The following GRIP2 variants were observed in gnomAD, a reference collection of about 807,000 sequenced individuals.
GRIP2 encodes glutamate receptor interacting protein 2, also known as glutamate receptor-interacting protein 2.
GRIP2 carries 58 observed loss-of-function variants against 108.3 expected under a neutral mutation model. The ratio of observed to expected loss-of-function variants is 0.54; its 90% CI spans 0.43 to 0.67. The LOEUF (loss-of-function observed/expected upper bound fraction) is 0.67. Ranked by LOEUF, GRIP2 falls within the 30% of genes least tolerant of loss-of-function variation. The pLI is 0.00. For missense variants in GRIP2, 1,278 were observed against 1,430.6 expected (o/e 0.89, Z 1.72); for synonymous variants, 586 against 598.2 (o/e 0.98, Z 0.30).
chr3:14,509,849 T>C lies in GRIP2; in HGVS notation c.2049A>G (p.Ser683=). The C allele has an allele frequency of 1.3e-6, 2 of 1,537,472 alleles. No individual in the cohort carries two copies. The highest frequency in any genetic ancestry group is 2.0e-5 in the Admixed American group (1 of 49,478). The part of the protein sequence containing the change: ...TEEPFDPIVI[S]GLTKRGLAER... ...CAGCCAGGCCACGCTTGGTGAGGCC[T>C]GAGATGACAATGGGGTCAAAAGGTT... is the stretch of plus-strand genomic sequence containing the variant. Residue 683 remains serine, a synonymous_variant, in exon 17 of 24, where the codon TCA becomes TCG. Transcript: ENST00000621039.
intron 21 of GRIP2, among the ~76,000 whole-genome samples, chr3:14,500,172 G>C (rs180827046): frequency 2.6e-5 from 4 of 152,256 alleles, no homozygotes; most frequent in African/African-American, 7.2e-5. Context: ...GCCAAGGAAA[G>C]AACTAGTGAA....
At position 14,505,077 on chromosome 3, in the gene GRIP2, G is replaced by A. The variant is rs1355562567; in HGVS notation, c.2573+538C>T. Among the ~76,000 whole-genome samples the A allele has an allele frequency of 6.6e-6, 1 of 152,130 alleles. No individual in the cohort carries two copies. Among genetic ancestry groups the A allele is most frequent in the Admixed American group, 6.5e-5 (1 of 15,276 alleles). On this transcript the variant is annotated intron_variant, in intron 20 of 23. Transcript: ENST00000621039. The surrounding 1 kb of genome is among the most constrained non-coding windows in gnomAD (Gnocchi z 4.2). ...AGCTGAGTTTTGAGGGATGAGTAGG[G>A]ATTTGCCAGGAGAGACCAGGGGAAA...
chr3:14,503,301 A>G lies in GRIP2; in HGVS notation c.2679+265T>C, dbSNP rs565935932. Reference sequence around the variant, plus strand: ...ATGCATGCATACACATATGCTCCCAATGTACACATGATGATGTCACACATA... The same window carrying G: ...ATGCATGCATACACATATGCTCCCAGTGTACACATGATGATGTCACACATA... On this transcript the variant is annotated intron_variant, in intron 21 of 23. Coordinates refer to ENST00000621039, the MANE Select transcript of GRIP2 (RefSeq NM_001080423.4). Among the ~76,000 whole-genome samples, 113 of 152,328 alleles carry G rather than the reference A, an allele frequency of 7.4e-4. 1 individual carries two copies. Among genetic ancestry groups the G allele is most frequent in the Non-Finnish European group, 1.0e-3 (68 of 68,010 alleles).
chr3:14,562,423 T>C, the GRIP2 span, among the ~76,000 whole-genome samples: 1 of 152,222 alleles, frequency 6.6e-6, no homozygotes, highest in Non-Finnish European at 1.5e-5. Flanking sequence ...CAGTGATCCA[T>C]GTGTTCCTAT....
the GRIP2 span, among the ~76,000 whole-genome samples, chr3:14,592,799 A>C: frequency 6.6e-6 from 1 of 152,142 alleles, no homozygotes; most frequent in South Asian, 2.1e-4. Flanking sequence ...TTCTGGCCCC[A>C]AAACCCCGTG....
chr3:14,567,256 G>A, the GRIP2 span, among the ~76,000 whole-genome samples: 2 of 150,758 alleles, frequency 1.3e-5, no homozygotes, highest in Non-Finnish European at 3.0e-5. Flanking sequence ...ATCTGTTCCT[G>A]AGCACTGGAA....
rs1694188161 is a variant in GRIP2, at chr3:14,514,372, G to C, written c.1413C>G (p.Leu471=). 1 of 1,574,564 alleles carries C rather than the reference G, an allele frequency of 6.4e-7. No individual in the cohort carries two copies. Among genetic ancestry groups the C allele is most frequent in the Non-Finnish European group, 8.6e-7 (1 of 1,161,612 alleles). ...TCTCGGTGGCGAAGATGCCGCCCTG[G>C]AGCTGGAGGCCAAAGCCGCTGAGGG... ...GDPLSGFGLQ[L]QGGIFATETL... The change falls in exon 12 of 24, where the codon CTC becomes CTG. Residue 471 remains leucine, a synonymous_variant. Transcript: ENST00000621039.
the GRIP2 span, among the ~76,000 whole-genome samples, chr3:14,575,901 GC>G: frequency 4.6e-5 from 7 of 152,240 alleles, no homozygotes; most frequent in African/African-American, 1.4e-4. Context: ...TGGAGGCTGT[GC>G]CCCCTTATCA....
intron 4 of GRIP2, chr3:14,524,062 T>C (rs2124927080): frequency 4.1e-6 from 2 of 482,752 alleles, no homozygotes; most frequent in South Asian, 2.9e-5. Flanking sequence ...TACACCACCG[T>C]TACTTAGTGC....
intron 7 of GRIP2, chr3:14,520,888 C>T: frequency 3.8e-6 from 1 of 260,186 alleles, no homozygotes; most frequent in East Asian, 8.8e-5. Flanking sequence ...GAAATGGCAC[C>T]TCCATTAACA....
At chr3:14,568,755 G>T in the GRIP2 span, among the ~76,000 whole-genome samples, 1 of 152,210 alleles carries the variant, frequency 6.6e-6, no homozygotes, top group Non-Finnish European at 1.5e-5. Context: ...TGAGAGCGAG[G>T]GAGGAAGTAG....
intron 19 of GRIP2, among the ~76,000 whole-genome samples, chr3:14,506,006 TC>T (rs1310565257): frequency 6.6e-6 from 1 of 152,142 alleles, no homozygotes; most frequent in African/African-American, 2.4e-5. Flanking sequence ...CTGTCTCAAC[TC>T]CATCGGCCTG....
chr3:14,551,613 A>T (rs1695150733), intron 1 of GRIP2, among the ~76,000 whole-genome samples: 3 of 152,122 alleles, frequency 2.0e-5, no homozygotes, highest in Non-Finnish European at 4.4e-5. Context: ...CTGTCCCGGG[A>T]CAGGAGAAGC....
the GRIP2 span, among the ~76,000 whole-genome samples, chr3:14,565,646 C>T: frequency 2.0e-5 from 3 of 152,222 alleles, no homozygotes; most frequent in Admixed American, 6.5e-5. Context: ...TTACCCACTC[C>T]GGGCCTTGGC....
intron 9 of GRIP2, among the ~76,000 whole-genome samples, chr3:14,519,801 T>G (rs1468053552): frequency 6.6e-6 from 1 of 152,224 alleles, no homozygotes; most frequent in Non-Finnish European, 1.5e-5. Context: ...AAGCTCTGAG[T>G]AGCAGAGAGC....
At chr3:14,494,710 T>C in intron 23 of GRIP2, 133 bp downstream of exon 23, 1 of 1,114,112 alleles carries the variant, frequency 9.0e-7, no homozygotes. Context: ...GGGCCCGCAA[T>C]GCAACTTTGG....
At chr3:14,539,102 T>C (rs1694901362) in intron 1 of GRIP2, among the ~76,000 whole-genome samples, 1 of 152,238 alleles carries the variant, frequency 6.6e-6, no homozygotes, top group Non-Finnish European at 1.5e-5. Flanking sequence ...AAATCCCAGC[T>C]TTGTCACTTC....
At chr3:14,506,661 C>T (rs1050530789) in intron 19 of GRIP2, 140 bp downstream of exon 19, 35 of 769,416 alleles carry the variant, frequency 4.5e-5, no homozygotes, top group Non-Finnish European at 6.0e-5. Flanking sequence ...ATCAGGTCTT[C>T]CTTCAGGAAG....
In GRIP2 at chr3:14,493,640, T is replaced by A; in HGVS notation, c.*25A>T. 1 of 1,565,452 alleles carries A rather than the reference T, an allele frequency of 6.4e-7. No homozygotes were observed. The highest frequency in any genetic ancestry group is 2.3e-5 in the East Asian group (1 of 43,024). The stretch of plus-strand genomic sequence containing the variant: ...GCCAGGATCTGCCTGGGTGGCCCCT[T>A]AGGAGTTCGGCCCACATGCTGACTT... On this transcript the variant is annotated 3_prime_UTR_variant, in exon 24 of 24. Coordinates refer to ENST00000621039, the MANE Select transcript of GRIP2 (RefSeq NM_001080423.4).
Sources: gnomAD v4.1 joint callset for allele counts (sites outside exome capture counted in the v4.1 genomes callset) on GRCh38, gnomAD v4.1.1 for gene constraint, Gnocchi (gnomAD v3.1) non-coding constraint, MANE v1.5 for transcripts, NCBI Gene and HGNC (gene_info 2026-07-23, HGNC 2026-07-21) for gene names.